Variants in SSH2 observed in about 807,000 individuals in gnomAD.
The protein encoded by SSH2 is protein phosphatase Slingshot homolog 2.
Under a neutral mutation model 135.2 loss-of-function variants are expected in SSH2, and 37 were observed. That is an observed-to-expected ratio of 0.27 (90% CI 0.21 to 0.36). The LOEUF (loss-of-function observed/expected upper bound fraction) is 0.36, where lower values mean the gene tolerates loss of function less well. SSH2 is among the 10% of genes least tolerant of loss of function. The probability of loss-of-function intolerance (pLI) is 1.00; values close to 1 mark genes in which losing one functional copy is unlikely to be tolerated. For missense variants in SSH2, 1,408 were observed against 1,765.3 expected (o/e 0.80, Z 3.63); for synonymous variants, 628 against 646.2 (o/e 0.97, Z 0.43).
intron 1 of SSH2, among the ~76,000 whole-genome samples, chr17:29,904,510 T>C (rs2066618577): frequency 6.6e-6 from 1 of 152,004 alleles, no homozygotes; most frequent in South Asian, 2.1e-4. Context: ...CTCAAAATAA[T>C]AAGAGCCATA....
intron 1 of SSH2, among the ~76,000 whole-genome samples, chr17:29,883,270 A>G (rs1009050612): frequency 6.6e-6 from 1 of 152,176 alleles, no homozygotes; most frequent in African/African-American, 2.4e-5. Flanking sequence ...AGTACCTTTT[A>G]TATTTTGGGT....
intron 3 of SSH2, among the ~76,000 whole-genome samples, chr17:29,711,200 C>A (rs554145750): frequency 6.6e-6 from 1 of 152,304 alleles, no homozygotes; most frequent in Admixed American, 6.5e-5. Context: ...CACTTAAACT[C>A]TGTTGCACAA....
rs140485127 is a variant in SSH2, at chr17:29,903,997, G to A, written c.63+25941C>T. Among the ~76,000 whole-genome samples the A allele has an allele frequency of 8.0e-3, 1,219 of 152,072 alleles. 10 individuals carry two copies. The highest frequency in any genetic ancestry group is 0.012 in the Non-Finnish European group (791 of 67,966). On this transcript the variant is annotated intron_variant, in intron 1 of 15. Transcript: ENST00000540801. The stretch of plus-strand genomic sequence containing the variant: ...GACCAATAATGAGTTCTGAAATTAA[G>A]GCAGTAATAAATAGCCTACCAACCA...
At chr17:29,746,010 T>G (rs2040747942) in intron 3 of SSH2, among the ~76,000 whole-genome samples, 1 of 152,174 alleles carries the variant, frequency 6.6e-6, no homozygotes, top group African/African-American at 2.4e-5. Context: ...TTAAAGAGAA[T>G]GTTTAAGGAA....
intron 3 of SSH2, among the ~76,000 whole-genome samples, chr17:29,747,886 C>A (rs896664173): frequency 6.6e-6 from 1 of 152,190 alleles, no homozygotes; most frequent in South Asian, 2.1e-4. Flanking sequence ...TTGCGAGACC[C>A]AACAGCTCTT....
chr17:29,792,953 C>T (rs1296447838), intron 3 of SSH2, among the ~76,000 whole-genome samples: 1 of 152,006 alleles, frequency 6.6e-6, no homozygotes, highest in East Asian at 1.9e-4. Context: ...GGATTACAGG[C>T]GTGAGCCACC....
At chr17:29,660,269 CTTTTT>C (rs749186449) in intron 11 of SSH2, among the ~76,000 whole-genome samples, 1 of 140,392 alleles carries the variant, frequency 7.1e-6, no homozygotes, top group Non-Finnish European at 1.6e-5. Context: ...CTAACCTCTC[CTTTTT>C]TTTTTTTTTT....
chr17:29,641,247 T>G (rs951677700), intron 14 of SSH2, among the ~76,000 whole-genome samples: 1 of 152,242 alleles, frequency 6.6e-6, no homozygotes, highest in Admixed American at 6.5e-5. Flanking sequence ...AACTGTTTTT[T>G]TCCAATGAAG....
chr17:29,765,729 G>A (rs2041427772), intron 3 of SSH2, among the ~76,000 whole-genome samples: 1 of 152,064 alleles, frequency 6.6e-6, no homozygotes, highest in Admixed American at 6.6e-5. Flanking sequence ...TTAAGATACA[G>A]GGACAAAAGG....
intron 2 of SSH2, among the ~76,000 whole-genome samples, chr17:29,847,963 C>G (rs1287255333): frequency 6.6e-6 from 1 of 152,166 alleles, no homozygotes; most frequent in African/African-American, 2.4e-5. Context: ...AGAGCCCACA[C>G]GTTGCAGACT....
At chr17:29,784,065 CAAAAAAAAAAAA>C (rs71138857) in intron 3 of SSH2, among the ~76,000 whole-genome samples, 11 of 8,230 alleles carry the variant, frequency 1.3e-3, no homozygotes, top group South Asian at 9.0e-3. Flanking sequence ...GACTCCGTCT[CAAAAAAAAAAAA>C]AAAAAAAAAA....
intron 3 of SSH2, chr17:29,716,485 G>A (rs575711303): frequency 2.8e-6 from 2 of 702,570 alleles, no homozygotes; most frequent in African/African-American, 1.8e-5. Context: ...CAGCATGCTG[G>A]TTAACATTGT....
chr17:29,921,949 C>G (rs565184154), intron 1 of SSH2, among the ~76,000 whole-genome samples: 1 of 152,042 alleles, frequency 6.6e-6, no homozygotes, highest in Non-Finnish European at 1.5e-5. Flanking sequence ...AAAACAAGTA[C>G]AGTAGAAAGA....
intron 3 of SSH2, among the ~76,000 whole-genome samples, chr17:29,703,781 G>A (rs1035428498): frequency 2.6e-5 from 4 of 151,840 alleles, no homozygotes; most frequent in African/African-American, 9.7e-5. Context: ...GTTTTACCAC[G>A]TTGGCCAGGC....
intron 3 of SSH2, among the ~76,000 whole-genome samples, chr17:29,730,298 T>C (rs1386860319): frequency 6.7e-6 from 1 of 149,164 alleles, no homozygotes; most frequent in Non-Finnish European, 1.5e-5. Flanking sequence ...GGTGACAAAG[T>C]GGGACTCTGT....
chr17:29,633,104 A>C (rs775758786), intron 15 of SSH2, among the ~76,000 whole-genome samples, 173 bp from the exon 16 acceptor site: 22 of 152,162 alleles, frequency 1.4e-4, no homozygotes, highest in Non-Finnish European at 8.8e-5. Flanking sequence ...CTACAAGAAA[A>C]AACTGGATTC....
intron 2 of SSH2, among the ~76,000 whole-genome samples, chr17:29,798,324 A>C (rs1004654876): frequency 6.6e-6 from 1 of 150,900 alleles, no homozygotes; most frequent in Non-Finnish European, 1.5e-5. Context: ...GTGCCCGGCT[A>C]ATTTTTGTAG....
At chr17:29,779,896 T>TACTTTTGTTTA (rs2041802987) in intron 3 of SSH2, among the ~76,000 whole-genome samples, 1 of 142,726 alleles carries the variant, frequency 7.0e-6, no homozygotes, top group African/African-American at 2.6e-5. Context: ...TGGAAAGCTC[T>TACTTTTGTTTA]ACTTTTGTTT....
intron 2 of SSH2, among the ~76,000 whole-genome samples, chr17:29,834,981 G>A (rs899288367): frequency 6.6e-6 from 1 of 152,116 alleles, no homozygotes; most frequent in Admixed American, 6.5e-5. Context: ...TCAAGAGTTA[G>A]ATTTCTGGGT....
Sources: gnomAD v4.1 joint callset for allele counts (sites outside exome capture counted in the v4.1 genomes callset) on GRCh38, gnomAD v4.1.1 for gene constraint, MANE v1.5 for transcripts, NCBI Gene and HGNC (gene_info 2026-07-23, HGNC 2026-07-21) for gene names.